Variants in FNTB observed in about 807,000 individuals in gnomAD.
FNTB encodes the protein farnesyltransferase, CAAX box, subunit beta.
In FNTB, 27 loss-of-function variants were observed where a neutral mutation model predicts 59.4. The ratio of observed to expected loss-of-function variants is 0.45; its 90% CI spans 0.34 to 0.63. FNTB has a LOEUF of 0.63. FNTB is among the 20% of genes least tolerant of loss of function. The probability of loss-of-function intolerance (pLI) is 0.02; values close to 1 mark genes in which losing one functional copy is unlikely to be tolerated. For synonymous variants in FNTB, 230 were observed against 220.7 expected, an observed-to-expected ratio of 1.04 and a Z score of -0.37; for missense variants, 449 against 559.6, an observed-to-expected ratio of 0.80 and a Z score of 1.99.
At chr14:65,052,376 C>CT (rs1185835167) in intron 9 of FNTB, among the ~76,000 whole-genome samples, 4 of 152,060 alleles carry the variant, frequency 2.6e-5, no homozygotes, top group East Asian at 1.9e-4. Context: ...TGTTGGGCAT[C>CT]TTTTTTTTAA....
At chr14:65,038,880 C>T (rs1364176562) in intron 7 of FNTB, among the ~76,000 whole-genome samples, 2 of 152,068 alleles carry the variant, frequency 1.3e-5, no homozygotes, top group African/African-American at 4.8e-5. Flanking sequence ...ACTACTTTTA[C>T]TTCCTGACTA....
rs1039929750 is a variant in FNTB at position 65,031,445 on chromosome 14, G to T, written c.606-1165G>T. 6.6e-6 allele frequency among the ~76,000 whole-genome samples: 1 copy of T among 151,638 alleles called. No homozygotes were observed. The highest frequency in any genetic ancestry group is 1.5e-5 in the Non-Finnish European group (1 of 67,896). On this transcript the variant is annotated intron_variant, in intron 6 of 11. Transcript: ENST00000246166. This position sits in a 1 kb window ranked among gnomAD's most constrained non-coding sequence, Gnocchi z 4.6. ...TGGTTCTCCTGCCTCAGCCTCCCAA[G>T]TAGTTGGGACTACGGGCACACGCCA... is the stretch of plus-strand genomic sequence containing the variant.
chr14:65,033,987 T>G (rs2062140228), intron 7 of FNTB, among the ~76,000 whole-genome samples: 1 of 152,268 alleles, frequency 6.6e-6, no homozygotes, highest in South Asian at 2.1e-4. Flanking sequence ...AAATATAATT[T>G]ACAGTGATAC....
At chr14:65,015,545 G>A in intron 3 of FNTB, 80 bp from the exon 4 acceptor site, 3 of 1,496,688 alleles carry the variant, frequency 2.0e-6, no homozygotes, top group Non-Finnish European at 2.8e-6. Context: ...GCTGCTGGGA[G>A]TGAGACAGAT....
chr14:65,060,976 G>A (rs139191226), intron 11 of FNTB, among the ~76,000 whole-genome samples: 14 of 150,764 alleles, frequency 9.3e-5, no homozygotes, highest in African/African-American at 3.2e-4. Context: ...ATATTTAAAT[G>A]CGTGTTTATA....
chr14:65,044,807 A>C lies in FNTB; in HGVS notation c.955+364A>C, dbSNP rs1595083270. ...CTCTGGGTGCAGGGCAGAGCTGAAA[A>C]CCCTCAGTGTTGCAACAGTCACTGT... On this transcript the variant is annotated intron_variant, in intron 9 of 11. Transcript: ENST00000246166. The surrounding 1 kb of genome is among the most constrained non-coding windows in gnomAD (Gnocchi z 5.5). 1.0e-5 allele frequency: 2 copies of C among 193,248 alleles called. No individual in the cohort carries two copies. The highest frequency in any genetic ancestry group is 2.1e-5 in the Non-Finnish European group (2 of 95,636). 12.0% of individuals were successfully genotyped at this position (193,248 alleles called of 1,614,324 possible).
chr14:65,009,857 G>A lies in FNTB; in HGVS notation c.210-2460G>A, dbSNP rs117586909. ...ATCTCTTCCCGTGGCTGATCACAGCGTTTATTGGACAGGGCTCTGCTTGTC... is the reference window on the plus strand; with the variant it reads ...ATCTCTTCCCGTGGCTGATCACAGCATTTATTGGACAGGGCTCTGCTTGTC... On this transcript the variant is annotated intron_variant, in intron 2 of 11. Transcript: ENST00000246166. The surrounding 1 kb of genome is among the most constrained non-coding windows in gnomAD (Gnocchi z 4.2). Among the ~76,000 whole-genome samples, 172 of 152,152 alleles carry A rather than the reference G, an allele frequency of 1.1e-3. 2 individuals are homozygous for A. Among genetic ancestry groups the A allele is most frequent in the East Asian group, 1.9e-3 (10 of 5,178 alleles).
Position 65,014,407 on chromosome 14 carries a change from C to A in FNTB, c.283-1218C>A, listed in dbSNP as rs1298393282. Among the ~76,000 whole-genome samples the A allele has an allele frequency of 6.6e-6, 1 of 152,164 alleles. No homozygotes were observed. Among genetic ancestry groups the A allele is most frequent in the African/African-American group, 2.4e-5 (1 of 41,422 alleles). On this transcript the variant is annotated intron_variant, in intron 3 of 11. Coordinates refer to ENST00000246166, the MANE Select transcript of FNTB (RefSeq NM_002028.4). The surrounding 1 kb of genome is among the most constrained non-coding windows in gnomAD (Gnocchi z 5.1). The stretch of plus-strand genomic sequence containing the variant: ...GTTTTCGTCCATTACAGCATTTCTC[C>A]AGGTATATGTACACGTGTTGGTTCC...
At chr14:64,987,264 C>G in intron 1 of FNTB, 167 bp downstream of exon 1, 1 of 777,734 alleles carries the variant, frequency 1.3e-6, no homozygotes, top group Non-Finnish European at 2.0e-6. Context: ...TGGGCTTCGT[C>G]GTGGAGCGTT....
chr14:65,058,085 T>C (rs554763035), intron 11 of FNTB, among the ~76,000 whole-genome samples: 3 of 151,620 alleles, frequency 2.0e-5, no homozygotes, highest in Non-Finnish European at 4.4e-5. Flanking sequence ...TTGCACTACA[T>C]TTTAGATTAA....
intron 9 of FNTB, among the ~76,000 whole-genome samples, chr14:65,045,556 CAG>C (rs2062459208): frequency 1.3e-5 from 2 of 151,990 alleles, no homozygotes; most frequent in African/African-American, 4.8e-5. Context: ...GCTGGGACTA[CAG>C]GCGCGTGCCA....
At chr14:64,995,236 CA>C (rs1461604881) in intron 1 of FNTB, among the ~76,000 whole-genome samples, 2 of 152,158 alleles carry the variant, frequency 1.3e-5, no homozygotes, top group African/African-American at 4.8e-5. Context: ...CCTAGGATAA[CA>C]GTGCGTTCTT....
rs1209169808 is a variant in FNTB at position 65,031,171 on chromosome 14, G to GA, written c.606-1433dup. Among the ~76,000 whole-genome samples, 4 of 152,060 alleles carry GA rather than the reference G, an allele frequency of 2.6e-5. No homozygotes were observed. Among genetic ancestry groups the GA allele is most frequent in the Middle Eastern group, 3.4e-3 (1 of 294 alleles). ...TTTGTCTTCCCTGTGCCGGGTATTT[G>GA]AAAAAACCATAGAGGGGAAGGAAAG... On this transcript the variant is annotated intron_variant, in intron 6 of 11. Coordinates refer to ENST00000246166, the MANE Select transcript of FNTB (RefSeq NM_002028.4). The surrounding 1 kb of genome is among the most constrained non-coding windows in gnomAD (Gnocchi z 4.6).
chr14:65,012,260 G>T lies in FNTB; in HGVS notation c.210-57G>T. Reference sequence around the variant, plus strand: ...CGTGTGTGTGTACGTGCACATACGTGTGTATGGTGGAAGCATAAGCTATTA... The same window carrying T: ...CGTGTGTGTGTACGTGCACATACGTTTGTATGGTGGAAGCATAAGCTATTA... On this transcript the variant is annotated intron_variant, in intron 2 of 11. Transcript: ENST00000246166. This position sits in a 1 kb window ranked among gnomAD's most constrained non-coding sequence, Gnocchi z 5.0. 2 of 1,601,154 alleles carry T rather than the reference G, an allele frequency of 1.2e-6. No homozygotes were observed. The highest frequency in any genetic ancestry group is 1.7e-6 in the Non-Finnish European group (2 of 1,168,676).
At position 65,011,157 on chromosome 14, in the gene FNTB, G is replaced by A. The variant is rs1042204442; in HGVS notation, c.210-1160G>A. Among the ~76,000 whole-genome samples, 21 of 152,280 alleles carry A rather than the reference G, an allele frequency of 1.4e-4. No homozygotes were observed. Among genetic ancestry groups the A allele is most frequent in the African/African-American group, 5.1e-4 (21 of 41,564 alleles). On this transcript the variant is annotated intron_variant, in intron 2 of 11. Coordinates refer to ENST00000246166, the MANE Select transcript of FNTB (RefSeq NM_002028.4). The surrounding 1 kb of genome is among the most constrained non-coding windows in gnomAD (Gnocchi z 4.0). ...AAAGACTACATGAAGGGCTGGGTGC[G>A]GTGGCTCACGCCTGTAATCCCAGCA...
intron 1 of FNTB, among the ~76,000 whole-genome samples, chr14:65,004,002 C>G (rs1019413963): frequency 6.6e-6 from 1 of 152,162 alleles, no homozygotes; most frequent in African/African-American, 2.4e-5. Flanking sequence ...ACCAAAACTG[C>G]CATTAGTTTG....
At chr14:65,002,544 G>A (rs976239948) in intron 1 of FNTB, among the ~76,000 whole-genome samples, 7 of 152,144 alleles carry the variant, frequency 4.6e-5, no homozygotes, top group African/African-American at 1.7e-4. Flanking sequence ...AGGAGGTGGA[G>A]GTTGCGGTGA....
At chr14:65,006,235 A>G in intron 2 of FNTB, 1 of 1,612,690 alleles carries the variant, frequency 6.2e-7, no homozygotes, top group Non-Finnish European at 8.5e-7. Flanking sequence ...TGGAAAAGGC[A>G]AGTGTTCATA....
chr14:65,012,423 A>G lies in FNTB; in HGVS notation c.282+34A>G, dbSNP rs199748416. 1 of 1,613,152 alleles carries G rather than the reference A, an allele frequency of 6.2e-7. No homozygotes were observed. The highest frequency in any genetic ancestry group is 1.7e-5 in the Admixed American group (1 of 60,008). ...ATTACCCAGGAACTCTTGCTGTCAA[A>G]TTATCCACCAAATCCTCCTCCTTTT... On this transcript the variant is annotated intron_variant, in intron 3 of 11. Coordinates refer to ENST00000246166, the MANE Select transcript of FNTB (RefSeq NM_002028.4). This position sits in a 1 kb window ranked among gnomAD's most constrained non-coding sequence, Gnocchi z 5.0.
Sources: gnomAD v4.1 joint callset for allele counts (sites outside exome capture counted in the v4.1 genomes callset) on GRCh38, gnomAD v4.1.1 for gene constraint, Gnocchi (gnomAD v3.1) non-coding constraint, MANE v1.5 for transcripts, NCBI Gene and HGNC (gene_info 2026-07-23, HGNC 2026-07-21) for gene names.